The following PTPRA variants were observed in gnomAD, a reference collection of about 807,000 sequenced individuals.
The protein encoded by PTPRA is receptor-type tyrosine-protein phosphatase alpha.
PTPRA carries 25 observed loss-of-function variants against 104.8 expected under a neutral mutation model. That is an observed-to-expected ratio of 0.24 (90% CI 0.17 to 0.33). The LOEUF (loss-of-function observed/expected upper bound fraction) is 0.33, where lower values mean the gene tolerates loss of function less well. PTPRA is among the 10% of genes least tolerant of loss of function. The pLI is 1.00. For missense variants in PTPRA, 765 were observed against 1,015.3 expected (o/e 0.75, Z 3.35); for synonymous variants, 323 against 368.9 (o/e 0.88, Z 1.43).
chr20:2,981,771 A>AACCCCAGTCCCAATTCCC (rs1483500347), intron 6 of PTPRA, among the ~76,000 whole-genome samples: 1 of 152,078 alleles, frequency 6.6e-6, no homozygotes, highest in African/African-American at 2.4e-5. Flanking sequence ...GTCCACTTTC[A>AACCCCAGTCCCAATTCCC]ACCCCAGTCC....
chr20:3,010,650 A>G (rs988917681), intron 11 of PTPRA, among the ~76,000 whole-genome samples: 3 of 152,062 alleles, frequency 2.0e-5, no homozygotes, highest in Non-Finnish European at 4.4e-5. Flanking sequence ...TAAATAAAAA[A>G]TAAAAAAAAT....
intron 10 of PTPRA, among the ~76,000 whole-genome samples, chr20:3,006,970 G>GTGTGTA (rs2063904435): frequency 6.6e-6 from 1 of 152,140 alleles, no homozygotes; most frequent in Non-Finnish European, 1.5e-5. Flanking sequence ...GGAGGGGGAT[G>GTGTGTA]TGTGTATGTG....
intron 1 of PTPRA, among the ~76,000 whole-genome samples, chr20:2,907,604 G>A (rs1225392325): frequency 6.6e-6 from 1 of 152,064 alleles, no homozygotes; most frequent in African/African-American, 2.4e-5. Flanking sequence ...CAATGATAAC[G>A]TATCTGAGAT....
chr20:3,038,215 G>A lies in PTPRA; in HGVS notation c.*82G>A, dbSNP rs2065898419. 7.5e-7 allele frequency: 1 copy of A among 1,325,154 alleles called. No homozygotes were observed. The highest frequency in any genetic ancestry group is 2.3e-5 in the East Asian group (1 of 42,972). The allele number at this position is 1,325,154 out of a possible 1,614,324, so 82.1% of individuals were successfully genotyped here. A position where few individuals can be genotyped will look rare whatever the true frequency, so the allele number is the denominator to read the frequency against. ...GTTTTGTTAATATACCCCAAATTGT[G>A]TATATATCTTATAACTGTTTTAGAA... On this transcript the variant is annotated 3_prime_UTR_variant, in exon 24 of 24. Coordinates refer to ENST00000399903, the MANE Select transcript of PTPRA (RefSeq NM_001385305.1).
upstream of PTPRA, among the ~76,000 whole-genome samples, chr20:2,870,117 C>T (rs1368961290): frequency 6.6e-6 from 1 of 151,840 alleles, no homozygotes; most frequent in Admixed American, 6.6e-5. Flanking sequence ...CCCTGTAATC[C>T]CAGCATTTTG....
upstream of PTPRA, among the ~76,000 whole-genome samples, chr20:2,872,770 C>G (rs1055370997): frequency 6.6e-6 from 1 of 152,170 alleles, no homozygotes; most frequent in African/African-American, 2.4e-5. This position sits in a 1 kb window ranked among gnomAD's most constrained non-coding sequence, Gnocchi z 7.9. Flanking sequence ...CGGGGGAGGG[C>G]GCACTCTGGC....
chr20:3,015,770 G>C (rs936411949), intron 11 of PTPRA, 79 bp from the exon 12 acceptor site: 3 of 1,244,948 alleles, frequency 2.4e-6, no homozygotes, highest in Non-Finnish European at 3.5e-6. Flanking sequence ...TTGTTAACTG[G>C]TTGGAGTCAG....
At chr20:2,960,702 A>C (rs577253309) in intron 3 of PTPRA, among the ~76,000 whole-genome samples, 23 of 151,972 alleles carry the variant, frequency 1.5e-4, no homozygotes, top group African/African-American at 5.1e-4. Flanking sequence ...ATGCCCAGCT[A>C]AGTTTTGTAT....
chr20:3,015,746 C>A, intron 11 of PTPRA, 103 bp from the exon 12 acceptor site: 1 of 907,288 alleles, frequency 1.1e-6, no homozygotes, highest in Non-Finnish European at 1.8e-6. Context: ...TAAGTACCTG[C>A]ACATTTTCAG....
chr20:2,983,848 G>A (rs1012122820), intron 6 of PTPRA, among the ~76,000 whole-genome samples: 2 of 152,020 alleles, frequency 1.3e-5, no homozygotes, highest in Admixed American at 6.6e-5. Context: ...GTCTGATCAA[G>A]CAAAGCAACT....
At chr20:2,904,805 A>G (rs566428203) in intron 1 of PTPRA, among the ~76,000 whole-genome samples, 1 of 152,302 alleles carries the variant, frequency 6.6e-6, no homozygotes, top group South Asian at 2.1e-4. Flanking sequence ...AGAAAAAAGG[A>G]ATATGTTGAA....
intron 20 of PTPRA, among the ~76,000 whole-genome samples, chr20:3,033,819 G>C (rs538853690): frequency 6.7e-6 from 1 of 150,084 alleles, no homozygotes; most frequent in African/African-American, 2.5e-5. Context: ...AGAATCACTT[G>C]AACCCGGGAG....
intron 2 of PTPRA, among the ~76,000 whole-genome samples, chr20:2,938,207 C>T (rs1034558550): frequency 8.6e-5 from 13 of 151,960 alleles, no homozygotes; most frequent in African/African-American, 1.5e-4. Flanking sequence ...TTTTTTGAGA[C>T]GGAGTCTTGC....
At chr20:2,934,202 TC>T (rs1267409458) in intron 2 of PTPRA, among the ~76,000 whole-genome samples, 2 of 152,070 alleles carry the variant, frequency 1.3e-5, no homozygotes, top group African/African-American at 4.8e-5. Flanking sequence ...CTCCCCAGGC[TC>T]AGGTGATTGT....
upstream of PTPRA, among the ~76,000 whole-genome samples, chr20:2,871,003 G>A (rs537006063): frequency 3.3e-5 from 5 of 152,288 alleles, no homozygotes; most frequent in East Asian, 9.7e-4. Context: ...CAAGTAGGAT[G>A]GAGGGCTGGG....
intron 6 of PTPRA, among the ~76,000 whole-genome samples, chr20:2,977,963 G>A (rs146650716): frequency 2.0e-5 from 3 of 152,168 alleles, no homozygotes; most frequent in East Asian, 3.9e-4. Context: ...ACAGAGATGT[G>A]CTTTGGGAAG....
At chr20:3,029,117 T>G (rs796096684) in intron 20 of PTPRA, among the ~76,000 whole-genome samples, 79,596 of 137,802 alleles carry the variant, frequency 0.58, 22,758 homozygotes, top group East Asian at 0.76. Context: ...TACATCAGGA[T>G]TTTTTTTTTT....
At position 2,927,566 on chromosome 20, in the gene PTPRA, T is replaced by G. The variant is rs571963670; in HGVS notation, c.-50+4281T>G. ...GCCCAAATTTAGGCTAGTCGTACAC[T>G]CCAATCCGAGACCAGTGGGCACTGT... On this transcript the variant is annotated intron_variant, in intron 2 of 23. Coordinates refer to ENST00000399903, the MANE Select transcript of PTPRA (RefSeq NM_001385305.1). Among the ~76,000 whole-genome samples the G allele has an allele frequency of 2.6e-5, 4 of 152,316 alleles. No homozygotes were observed. In the East Asian group the frequency reaches 7.7e-4, roughly 29 times the overall value.
At chr20:2,883,651 C>CAA (rs71195803) in intron 1 of PTPRA, among the ~76,000 whole-genome samples, 3 of 3,228 alleles carry the variant, frequency 9.3e-4, no homozygotes, top group Non-Finnish European at 1.4e-3. Context: ...GACTCCGTCT[C>CAA]AAAAAAAAAA....
Sources: gnomAD v4.1 joint callset for allele counts (sites outside exome capture counted in the v4.1 genomes callset) on GRCh38, gnomAD v4.1.1 for gene constraint, Gnocchi (gnomAD v3.1) non-coding constraint, MANE v1.5 for transcripts, NCBI Gene and HGNC (gene_info 2026-07-23, HGNC 2026-07-21) for gene names.